Variants in AHNAK2 observed in about 807,000 individuals in gnomAD.
AHNAK2 encodes protein AHNAK2.
Under a neutral mutation model 30.7 loss-of-function variants are expected in AHNAK2, and 18 were observed. The ratio of observed to expected loss-of-function variants is 0.59; its 90% confidence interval spans 0.41 to 0.87. AHNAK2 has a LOEUF of 0.87. Ranked by LOEUF, AHNAK2 falls within the 40% of genes least tolerant of loss-of-function variation. AHNAK2 has a pLI of 0.00. For synonymous variants in AHNAK2, 3,590 were observed against 3,073.8 expected (o/e 1.17, Z -5.56); for missense variants, 8,604 against 7,373.0 (o/e 1.17, Z -6.11).
At chr14:104,973,291 G>A (rs1387055993) in intron 1 of AHNAK2, among the ~76,000 whole-genome samples, 2 of 152,238 alleles carry the variant, frequency 1.3e-5, no homozygotes, top group African/African-American at 4.8e-5. Context: ...ATGGGAACTC[G>A]GCTGCTGGCG....
chr14:104,975,349 A>G (rs1566928083), intron 1 of AHNAK2, among the ~76,000 whole-genome samples: 1 of 152,334 alleles, frequency 6.6e-6, no homozygotes, highest in East Asian at 1.9e-4. Flanking sequence ...CAGGCAGCCC[A>G]GCCTCCCTCC....
chr14:104,945,464 G>A lies in AHNAK2; in HGVS notation c.9987C>T (p.Ala3329=), dbSNP rs1898213108. ...RASAPGKSIQ[A]SVDVSAPKAE... ...CCTTCGGCGCAGACACATCCACCGA[G>A]GCCTGGATGGACTTGCCTGGGGCAG... Residue 3329 remains alanine, a synonymous_variant, in exon 7 of 7, where the codon GCC becomes GCT. Transcript: ENST00000333244. The A allele has an allele frequency of 1.9e-6, 3 of 1,613,450 alleles. No individual in the cohort carries two copies. The highest frequency in any genetic ancestry group is 2.2e-5 in the East Asian group (1 of 44,816).
chr14:104,945,071 G>A lies in AHNAK2; in HGVS notation c.10380C>T (p.Ser3460=), dbSNP rs755170649. The change falls in exon 7 of 7, where the codon TCC becomes TCT. Residue 3460 remains serine, a synonymous_variant. Transcript: ENST00000333244. ...LDGARLEGDL[S]LAEKDVTAKD... The stretch of plus-strand genomic sequence containing the variant: ...TGGCAGTCACATCCTTTTCAGCCAG[G>A]GACAGGTCCCCCTCCAGCCGCGCAC... 6.2e-7 allele frequency: 1 copy of A among 1,612,828 alleles called. No homozygotes were observed. Among genetic ancestry groups the A allele is most frequent in the Non-Finnish European group, 8.5e-7 (1 of 1,179,664 alleles).
At position 104,952,299 on chromosome 14, in the gene AHNAK2, G is replaced by A. The variant is rs1898777361; in HGVS notation, c.3152C>T (p.Ala1051Val). 1 of 1,612,466 alleles carries A rather than the reference G, an allele frequency of 6.2e-7. No homozygotes were observed. The highest frequency in any genetic ancestry group is 8.5e-7 in the Non-Finnish European group (1 of 1,179,564). The change falls in exon 7 of 7, where the codon GCT (alanine) becomes GTT (valine). Residue 1051 changes from alanine (A) to valine (V), a missense_variant. Physicochemically the swap from Ala to Val is moderately conservative, Grantham distance 64 (BLOSUM62 0). Transcript: ENST00000333244. ...LKTTDLSIQP[A>V]STDLKVQADQ... ...AGCCTGGACCTTCAGGTCAGTAGAA[G>A]CAGGCTGAATGCTGAGGTCAGTGGT...
At chr14:104,965,961 C>T (rs1899291129) in intron 1 of AHNAK2, among the ~76,000 whole-genome samples, 1 of 152,194 alleles carries the variant, frequency 6.6e-6, no homozygotes, top group South Asian at 2.1e-4. Context: ...ACCCCCAGGG[C>T]CATGCCTGCT....
In AHNAK2 at chr14:104,944,614, C is replaced by A. The variant is rs1898158881; in HGVS notation, c.10837G>T (p.Ala3613Ser). Reference sequence around the variant, plus strand: ...TCCAGCCGCCCAGCATCCAGCTTGGCCTTCGGGGCCTGGACATCCACCTCC... The same window carrying A: ...TCCAGCCGCCCAGCATCCAGCTTGGACTTCGGGGCCTGGACATCCACCTCC... ...SVEVDVQAPK[A>S]KLDAGRLEGD... Residue 3613 changes from alanine to serine, a missense_variant, in exon 7 of 7, where the codon GCC becomes TCC. Ala to Ser is a moderately conservative substitution (Grantham distance 99). Transcript: ENST00000333244. The A allele has an allele frequency of 6.2e-7, 1 of 1,613,102 alleles. No individual in the cohort carries two copies. The highest frequency in any genetic ancestry group is 1.7e-5 in the Admixed American group (1 of 59,926).
At position 104,944,127 on chromosome 14, in the gene AHNAK2, G is replaced by T; in HGVS notation, c.11324C>A (p.Ala3775Asp). 1.2e-6 allele frequency: 2 copies of T among 1,613,172 alleles called. No individual in the cohort carries two copies. Among genetic ancestry groups the T allele is most frequent in the Non-Finnish European group, 1.7e-6 (2 of 1,179,648 alleles). ...TGCACTATCCAGTTTGGCTCTTGGGGCCTGGACGTCCACCTCCACGCTGGG... is the reference window on the plus strand; with the variant it reads ...TGCACTATCCAGTTTGGCTCTTGGGTCCTGGACGTCCACCTCCACGCTGGG... ...SLPSVEVDVQ[A>D]PRAKLDSAQL... The change falls in exon 7 of 7, where the codon GCC becomes GAC. Residue 3775 changes from alanine to aspartate, a missense_variant. By Grantham distance (126) the Ala-to-Asp change is moderately radical. Coordinates refer to ENST00000333244, the MANE Select transcript of AHNAK2 (RefSeq NM_138420.4).
Position 104,939,744 on chromosome 14 carries a change from A to T in AHNAK2, c.15707T>A (p.Leu5236His). The change falls in exon 7 of 7, where the codon CTT becomes CAT. Residue 5236 changes from leucine to histidine, a missense_variant. By Grantham distance (99) the Leu-to-His change is moderately conservative. Coordinates refer to ENST00000333244, the MANE Select transcript of AHNAK2 (RefSeq NM_138420.4). The part of the protein sequence containing the change: ...GEAAAKVKEF[L>H]VSGSNVEAAM... ...TGCCTCCACGTTTGACCCAGAAACA[A>T]GGAACTCTTTGACTTTAGCTGCTGC... is the stretch of plus-strand genomic sequence containing the variant. The T allele has an allele frequency of 6.2e-7, 1 of 1,613,898 alleles. No homozygotes were observed. Among genetic ancestry groups the T allele is most frequent in the Non-Finnish European group, 8.5e-7 (1 of 1,179,896 alleles).
rs371561185 is a variant in AHNAK2, at chr14:104,955,546, C to G, written c.403G>C (p.Gly135Arg). The G allele has an allele frequency of 6.2e-7, 1 of 1,613,702 alleles. No individual in the cohort carries two copies. ...TTCAGCACTTGCTTGACGAAGATCC[C>G]CTGGTCCCCACCACCTGTGACACTG... ...GYSVTGGGDQ[G>R]IFVKQVLKDS... The change falls in exon 5 of 7, where the codon GGG becomes CGG. Residue 135 changes from glycine to arginine, a missense_variant. By Grantham distance (125) the Gly-to-Arg change is moderately radical. Coordinates refer to ENST00000333244, the MANE Select transcript of AHNAK2 (RefSeq NM_138420.4).
In AHNAK2 at chr14:104,942,130, C is replaced by A. The variant is rs576703615; in HGVS notation, c.13321G>T (p.Asp4441Tyr). The A allele has an allele frequency of 5.3e-5, 86 of 1,613,422 alleles. No individual in the cohort carries two copies. The South Asian group carries it at 8.8e-4, about 16-fold the overall frequency. ...VDIQAPGAKL[D>Y]STRLEGDLSL... ...AGGTCCCCCTCCAGCCGCGTACTGT[C>A]CAGCTTGGCTCCTGGGGCTTGGATG... The change falls in exon 7 of 7, where the codon GAC becomes TAC. Residue 4441 changes from aspartate to tyrosine, a missense_variant. Coordinates refer to ENST00000333244, the MANE Select transcript of AHNAK2 (RefSeq NM_138420.4).
At position 104,952,837 on chromosome 14, in the gene AHNAK2, T is replaced by A; in HGVS notation, c.2614A>T (p.Met872Leu). The part of the protein sequence containing the change: ...KVEADVSLSS[M>L]QGDLKATDLS... ...TCAGTGGCCTTGAGGTCCCCCTGCATGGAGGAGAGGCTCACGTCGGCCTCC... is the reference window on the plus strand; with the variant it reads ...TCAGTGGCCTTGAGGTCCCCCTGCAAGGAGGAGAGGCTCACGTCGGCCTCC... The change falls in exon 7 of 7, where the codon ATG (methionine) becomes TTG (leucine). Residue 872 changes from methionine (M) to leucine (L), a missense_variant. By Grantham distance (15) the Met-to-Leu change is conservative. Transcript: ENST00000333244. 6.2e-7 allele frequency: 1 copy of A among 1,612,524 alleles called. No homozygotes were observed. The highest frequency in any genetic ancestry group is 1.1e-5 in the South Asian group (1 of 91,008).
At chr14:104,978,045 C>T in intron 1 of AHNAK2, 138 bp downstream of exon 1, 2 of 650,328 alleles carry the variant, frequency 3.1e-6, no homozygotes, top group Non-Finnish European at 4.2e-6. Flanking sequence ...CCCAGAACCA[C>T]GCGCGAGTCC....
rs1238195377 is a variant in AHNAK2 at position 104,947,200 on chromosome 14, T to G, written c.8251A>C (p.Ile2751Leu). 4.7e-5 allele frequency: 76 copies of G among 1,611,448 alleles called. No homozygotes were observed. The highest frequency in any genetic ancestry group is 6.0e-5 in the Non-Finnish European group (71 of 1,179,364). The change falls in exon 7 of 7, where the codon ATA (isoleucine) becomes CTA (leucine). Residue 2751 changes from isoleucine (I) to leucine (L), a missense_variant. Coordinates refer to ENST00000333244, the MANE Select transcript of AHNAK2 (RefSeq NM_138420.4). ...MPEVDLKGPQ[I>L]DVKGPNVDLK... ...TCCACGTTGGGGCCCTTAACATCTA[T>G]CTGGGGGCCCTTGAGGTCCACTTCA...
At position 104,945,005 on chromosome 14, in the gene AHNAK2, G is replaced by A; in HGVS notation, c.10446C>T (p.Ser3482=). The A allele has an allele frequency of 1.2e-6, 2 of 1,609,806 alleles. No homozygotes were observed. Among genetic ancestry groups the A allele is most frequent in the Non-Finnish European group, 1.7e-6 (2 of 1,178,886 alleles). Residue 3482 remains serine, a synonymous_variant, in exon 7 of 7, where the codon TCC becomes TCT. Transcript: ENST00000333244. ...ACCTGCCTGGGGCCGACACCCCGAA[G>A]GAGGGCATCTTGAACTTGGGCATTT... ...KFKMPKFKMP[S]FGVSAPGRSI...
Position 104,953,677 on chromosome 14 carries a change from A to G in AHNAK2, c.1774T>C (p.Trp592Arg). The change falls in exon 7 of 7, where the codon TGG (tryptophan) becomes CGG (arginine). Residue 592 changes from tryptophan (W) to arginine (R), a missense_variant. By Grantham distance (101) the Trp-to-Arg change is moderately radical (BLOSUM62 -3). Transcript: ENST00000333244. ...MPKFKIPSLG[W>R]SPSKHTKTGR... ...GTCTTTGTGTGCTTGCTTGGCGACC[A>G]TCCTAAGGAGGGTATCTTGAACTTG... 6.2e-7 allele frequency: 1 copy of G among 1,613,374 alleles called. No homozygotes were observed. The highest frequency in any genetic ancestry group is 8.5e-7 in the Non-Finnish European group (1 of 1,179,774).
In AHNAK2 at chr14:104,942,500, G is replaced by A. The variant is rs534657018; in HGVS notation, c.12951C>T (p.Ile4317=). 71 of 1,612,470 alleles carry A rather than the reference G, an allele frequency of 4.4e-5. No homozygotes were observed. Among genetic ancestry groups the A allele is most frequent in the South Asian group, 3.6e-4 (33 of 90,994 alleles). The change falls in exon 7 of 7, where the codon ATC becomes ATT. Residue 4317 remains isoleucine (I), a synonymous_variant. Transcript: ENST00000333244. ...SFGVSAPGKS[I]EASLDVSALK... is the part of the protein sequence containing the mutation. ...GCGCAGACACATCCAACGAGGCCTC[G>A]ATGGACTTGCCTGGGGCAGACACCC... is the stretch of plus-strand genomic sequence containing the variant.
Position 104,953,832 on chromosome 14 carries a change from C to G in AHNAK2, c.1619G>C (p.Gly540Ala). Residue 540 changes from glycine to alanine, a missense_variant, in exon 7 of 7, where the codon GGC becomes GCC. Transcript: ENST00000333244. ...EEVEGAGWMP[G>A]REPTTHAEAQ... ...TTCTGCATGTGTGGTTGGTTCCCTG[C>G]CCGGCATCCACCCGGCTCCTTCCAC... 1 of 1,613,982 alleles carries G rather than the reference C, an allele frequency of 6.2e-7. No individual in the cohort carries two copies. The highest frequency in any genetic ancestry group is 1.1e-5 in the South Asian group (1 of 91,076).
At chr14:104,970,224 A>G (rs1899437278) in intron 1 of AHNAK2, among the ~76,000 whole-genome samples, 1 of 152,124 alleles carries the variant, frequency 6.6e-6, no homozygotes, top group South Asian at 2.1e-4. Context: ...AGGGACCAGG[A>G]CCCAGGAGAA....
In AHNAK2 at chr14:104,944,553, G is replaced by A; in HGVS notation, c.10898C>T (p.Ala3633Val). The change falls in exon 7 of 7, where the codon GCC (alanine) becomes GTC (valine). Residue 3633 changes from alanine to valine, a missense_variant. By Grantham distance (64) the Ala-to-Val change is moderately conservative. Transcript: ENST00000333244. ...DLSLADKDVT[A>V]KDSKFKMPKF... ...GGGCATTTTGAACTTGCTGTCTTTG[G>A]CAGTCACGTCCTTGTCAGCCAGGGA... is the stretch of plus-strand genomic sequence containing the variant. 2 of 1,613,130 alleles carry A rather than the reference G, an allele frequency of 1.2e-6. No homozygotes were observed. The highest frequency in any genetic ancestry group is 3.3e-4 in the Middle Eastern group (2 of 6,052).
Sources: allele counts gnomAD v4.1 joint callset (sites outside exome capture counted in the v4.1 genomes callset), GRCh38; gene constraint gnomAD v4.1.1; transcripts MANE v1.5; gene names NCBI Gene and HGNC (gene_info 2026-07-23, HGNC 2026-07-21).